Variants in DLGAP2 observed in about 807,000 individuals in gnomAD.
DLGAP2 encodes the protein disks large-associated protein 2.
Under a neutral mutation model 100.3 loss-of-function variants are expected in DLGAP2, and 26 were observed. The ratio of observed to expected loss-of-function variants is 0.26; its 90% CI spans 0.19 to 0.36. The LOEUF is 0.36. Ranked by LOEUF, DLGAP2 falls within the 10% of genes least tolerant of loss-of-function variation. The pLI is 1.00. For missense variants in DLGAP2, 1,858 were observed against 1,453.2 expected (o/e 1.28, Z -4.53); for synonymous variants, 886 against 630.1 (o/e 1.41, Z -6.08).
At chr8:1,107,384 C>G (rs1804810750) in intron 2 of DLGAP2, among the ~76,000 whole-genome samples, 2 of 152,210 alleles carry the variant, frequency 1.3e-5, no homozygotes, top group Non-Finnish European at 2.9e-5. Flanking sequence ...GCCTAGGCCT[C>G]AGATCCACTC....
intron 2 of DLGAP2, among the ~76,000 whole-genome samples, chr8:978,503 C>G (rs1191883590): frequency 1.1e-5 from 1 of 87,180 alleles, no homozygotes; most frequent in Non-Finnish European, 2.5e-5. Flanking sequence ...GGGTTCTGGT[C>G]TTTGGTGACG....
intron 2 of DLGAP2, among the ~76,000 whole-genome samples, chr8:1,001,308 A>C (rs2129018112): frequency 6.6e-6 from 1 of 152,308 alleles, no homozygotes; most frequent in East Asian, 1.9e-4. Context: ...CATTTTATCG[A>C]GAAGTCTGCC....
intron 2 of DLGAP2, among the ~76,000 whole-genome samples, chr8:1,112,474 T>C (rs1332623342): frequency 6.6e-6 from 1 of 152,182 alleles, no homozygotes; most frequent in African/African-American, 2.4e-5. Flanking sequence ...TCTCCTCACC[T>C]CATGATTCAC....
intron 2 of DLGAP2, among the ~76,000 whole-genome samples, chr8:1,155,367 C>G (rs1479531839): frequency 1.3e-5 from 2 of 152,190 alleles, no homozygotes; most frequent in East Asian, 3.9e-4. Context: ...GCTGGGGGGT[C>G]TCCCCGGATG....
chr8:864,494 C>T (rs1797453480), intron 1 of DLGAP2, among the ~76,000 whole-genome samples: 1 of 152,144 alleles, frequency 6.6e-6, no homozygotes, highest in Admixed American at 6.5e-5. Context: ...TTAGAAACCT[C>T]ACTATTCTGG....
At chr8:1,262,020 A>G (rs1274453423) in intron 3 of DLGAP2, among the ~76,000 whole-genome samples, 4 of 152,208 alleles carry the variant, frequency 2.6e-5, no homozygotes, top group Admixed American at 2.0e-4. Flanking sequence ...AAAGCTGTTA[A>G]CAGCCTTCCC....
chr8:875,216 G>C (rs1797667755), intron 1 of DLGAP2, among the ~76,000 whole-genome samples: 1 of 152,014 alleles, frequency 6.6e-6, no homozygotes, highest in African/African-American at 2.4e-5. Context: ...TGCTTCTTTT[G>C]ATTATATTAT....
chr8:1,591,492 C>T (rs935396713), intron 6 of DLGAP2, among the ~76,000 whole-genome samples: 1 of 151,904 alleles, frequency 6.6e-6, no homozygotes, highest in Non-Finnish European at 1.5e-5. Context: ...TCTTTTCTAA[C>T]ATGGAGAGAT....
chr8:1,548,695 T>G lies in DLGAP2; in HGVS notation c.242T>G (p.Met81Arg). ...CGCTACTCGCCCGCGCCCAGGAGCA[T>G]GAAGGGCCTTTCCGGAAGTCGGACC... is the stretch of plus-strand genomic sequence containing the variant. ...EERYSPAPRS[M>R]KGLSGSRTQP... The change falls in exon 5 of 15, where the codon ATG (methionine) becomes AGG (arginine). Residue 81 changes from methionine to arginine, a missense_variant. By Grantham distance (91) the Met-to-Arg change is moderately conservative (BLOSUM62 -1). Transcript: ENST00000637795. 6.2e-7 allele frequency: 1 copy of G among 1,607,004 alleles called. No individual in the cohort carries two copies. The highest frequency in any genetic ancestry group is 8.5e-7 in the Non-Finnish European group (1 of 1,177,986).
intron 2 of DLGAP2, among the ~76,000 whole-genome samples, chr8:1,235,080 C>G (rs1434868327): frequency 6.7e-6 from 1 of 149,514 alleles, no homozygotes; most frequent in African/African-American, 2.5e-5. Flanking sequence ...GTGTCTAGTT[C>G]CCTCTCACAT....
intron 2 of DLGAP2, among the ~76,000 whole-genome samples, chr8:942,326 A>G (rs1799216181): frequency 6.6e-6 from 1 of 152,202 alleles, no homozygotes; most frequent in Non-Finnish European, 1.5e-5. Flanking sequence ...CACTTCAGGG[A>G]GGGAGCAACA....
intron 1 of DLGAP2, among the ~76,000 whole-genome samples, chr8:818,373 G>A (rs1484199239): frequency 3.9e-5 from 6 of 152,156 alleles, no homozygotes; most frequent in Non-Finnish European, 8.8e-5. Context: ...CAACAGTACC[G>A]AGTCTATTTC....
At chr8:1,584,447 G>C (rs774622879) in intron 6 of DLGAP2, among the ~76,000 whole-genome samples, 69 of 152,168 alleles carry the variant, frequency 4.5e-4, no homozygotes, top group Non-Finnish European at 7.3e-4. Context: ...TATGCTCCTG[G>C]GGAGGAGGCA....
At chr8:933,078 C>T (rs1349461836) in intron 2 of DLGAP2, among the ~76,000 whole-genome samples, 4 of 152,366 alleles carry the variant, frequency 2.6e-5, no homozygotes, top group Non-Finnish European at 2.9e-5. Context: ...GCATACCTTC[C>T]GATCCTGTCC....
intron 1 of DLGAP2, among the ~76,000 whole-genome samples, chr8:797,817 C>T (rs1037959111): frequency 4.6e-5 from 7 of 152,098 alleles, no homozygotes; most frequent in Non-Finnish European, 8.8e-5. Context: ...GGGGTGTGAT[C>T]TCTGCTCACT....
At chr8:1,351,565 G>A (rs1376492457) in intron 3 of DLGAP2, among the ~76,000 whole-genome samples, 1 of 79,176 alleles carries the variant, frequency 1.3e-5, no homozygotes, top group East Asian at 7.5e-4. Flanking sequence ...AAGGACGTGC[G>A]GGTCCTGACT....
chr8:810,689 G>A (rs1281306349), intron 1 of DLGAP2, among the ~76,000 whole-genome samples: 1 of 152,188 alleles, frequency 6.6e-6, no homozygotes, highest in Admixed American at 6.5e-5. Context: ...TTATCAGTGG[G>A]TTTTTAAACT....
intron 2 of DLGAP2, among the ~76,000 whole-genome samples, chr8:1,066,673 G>A (rs1386359984): frequency 6.6e-6 from 1 of 152,200 alleles, no homozygotes; most frequent in Non-Finnish European, 1.5e-5. Context: ...TCTGAGTGAG[G>A]ACAGTTCCCC....
At position 1,520,335 on chromosome 8, in the gene DLGAP2, C is replaced by A. The variant is rs181536926; in HGVS notation, c.172+18904C>A. On this transcript the variant is annotated intron_variant, in intron 4 of 14. Coordinates refer to ENST00000637795, the MANE Select transcript of DLGAP2 (RefSeq NM_001346810.2). Reference sequence around the variant, plus strand: ...GGGAACCCAGAAAGTATTTGGGGAGCAGGAGGAGGTTCACTCCGAGTGGTT... The same window carrying A: ...GGGAACCCAGAAAGTATTTGGGGAGAAGGAGGAGGTTCACTCCGAGTGGTT... 2.0e-4 allele frequency among the ~76,000 whole-genome samples: 30 copies of A among 152,270 alleles called. No individual in the cohort carries two copies. The East Asian group carries it at 5.2e-3, about 27-fold the overall frequency.
Sources: gnomAD v4.1 joint callset for allele counts (sites outside exome capture counted in the v4.1 genomes callset) on GRCh38, gnomAD v4.1.1 for gene constraint, MANE v1.5 for transcripts, NCBI Gene and HGNC (gene_info 2026-07-23, HGNC 2026-07-21) for gene names.